SRGAP3: variants seen among roughly 807,000 people sequenced by gnomAD.
The protein encoded by SRGAP3 is SLIT-ROBO Rho GTPase-activating protein 3.
In SRGAP3, 39 loss-of-function variants were observed where a neutral mutation model predicts 121.1. The observed-to-expected ratio is 0.32, with a 90% CI of 0.25 to 0.42. The LOEUF (loss-of-function observed/expected upper bound fraction) is 0.42, where lower values mean the gene tolerates loss of function less well. Ranked by LOEUF, SRGAP3 falls within the 10% of genes least tolerant of loss-of-function variation. The pLI is 1.00. For synonymous variants in SRGAP3, 601 were observed against 570.0 expected, an observed-to-expected ratio of 1.05 and a Z score of -0.77; for missense variants, 1,213 against 1,470.6, an observed-to-expected ratio of 0.82 and a Z score of 2.86.
chr3:9,194,937 G>A (rs529673832), intron 1 of SRGAP3, among the ~76,000 whole-genome samples: 6 of 152,284 alleles, frequency 3.9e-5, no homozygotes, highest in South Asian at 2.1e-4. Flanking sequence ...CACCCCCACC[G>A]TCCCCACACC....
chr3:9,259,124 C>A (rs958363371), intron 3 of SRGAP3, among the ~76,000 whole-genome samples: 8 of 152,190 alleles, frequency 5.3e-5, no homozygotes, highest in African/African-American at 1.9e-4. Context: ...TTCAGATCCT[C>A]CCCGGGTCCT....
At chr3:9,159,518 G>T (rs1457302051) in intron 1 of SRGAP3, among the ~76,000 whole-genome samples, 1 of 152,194 alleles carries the variant, frequency 6.6e-6, no homozygotes, top group Non-Finnish European at 1.5e-5. Flanking sequence ...AGAGATAAGG[G>T]CAACAAAGAC....
Position 8,985,093 on chromosome 3 carries a change from AATAT to A in SRGAP3, c.*422_*425del, listed in dbSNP as rs139699619. ...TCTAGTATATGTATATAGATGCATA[AATAT>A]ATATATATATACACACACCTACAGA... On this transcript the variant is annotated 3_prime_UTR_variant, in exon 22 of 22. Transcript: ENST00000383836. The surrounding 1 kb of genome is among the most constrained non-coding windows in gnomAD (Gnocchi z 5.1). 3.4e-5 allele frequency: 8 copies of A among 236,316 alleles called. No homozygotes were observed. The highest frequency in any genetic ancestry group is 1.9e-4 in the East Asian group (3 of 16,006). The allele number at this position is 236,316 out of a possible 1,614,324, so 14.6% of individuals were successfully genotyped here.
rs575970813 is a variant in SRGAP3 at position 9,312,311 on chromosome 3, C to G, written n.442+13699G>C. Among the ~76,000 whole-genome samples the G allele has an allele frequency of 1.5e-3, 224 of 152,242 alleles. 1 individual carries two copies. Among genetic ancestry groups the G allele is most frequent in the Non-Finnish European group, 2.1e-3 (140 of 68,004 alleles). ...CTGGGACTACAGGCACCCACCACCA[C>G]GCCCGGCTAATTTTTTTGTATTTTT... is the stretch of plus-strand genomic sequence containing the variant. On this transcript the variant is annotated intron_variant and non_coding_transcript_variant, in intron 3 of 3. Coordinates refer to the SRGAP3 transcript ENST00000490889.
chr3:9,309,438 T>C (rs1056944836), intron 3 of SRGAP3, among the ~76,000 whole-genome samples: 1 of 152,210 alleles, frequency 6.6e-6, no homozygotes, highest in Non-Finnish European at 1.5e-5. Context: ...CTCGGTTTGA[T>C]TGCCATACCC....
At chr3:9,112,471 C>T (rs11915262) in intron 2 of SRGAP3, among the ~76,000 whole-genome samples, 10,352 of 152,304 alleles carry the variant, frequency 0.068, 406 homozygotes, top group African/African-American at 0.083. Context: ...AAATGAGCCA[C>T]ACTTCCCACT....
intron 1 of SRGAP3, among the ~76,000 whole-genome samples, chr3:9,211,834 C>T (rs1219419320): frequency 6.8e-6 from 1 of 146,394 alleles, no homozygotes; most frequent in Non-Finnish European, 1.5e-5. Flanking sequence ...CATCAACATG[C>T]CCAGCTAATT....
intron 3 of SRGAP3, among the ~76,000 whole-genome samples, chr3:9,086,235 T>C (rs1481549508): frequency 6.6e-6 from 1 of 152,226 alleles, no homozygotes; most frequent in Non-Finnish European, 1.5e-5. Flanking sequence ...TCATTAAATA[T>C]GTTTGCTTGG....
In SRGAP3 at chr3:9,057,785, A is replaced by T. The variant is rs181515964; in HGVS notation, c.1023+466T>A. ...TTTGTTTTTCGTTTGTTTTATTCAG[A>T]ATATAACAAGGATCTGAGCAGCACA... On this transcript the variant is annotated intron_variant, in intron 7 of 21. Transcript: ENST00000383836. Among the ~76,000 whole-genome samples, 570 of 152,316 alleles carry T rather than the reference A, an allele frequency of 3.7e-3. 1 individual carries two copies. Among genetic ancestry groups the T allele is most frequent in the African/African-American group, 0.013 (545 of 41,548 alleles).
chr3:9,119,851 G>A (rs1186403376), intron 2 of SRGAP3, among the ~76,000 whole-genome samples: 2 of 152,236 alleles, frequency 1.3e-5, no homozygotes, highest in Admixed American at 6.5e-5. Flanking sequence ...AACCAGGCAT[G>A]CGAGTAAAGC....
Position 9,142,829 on chromosome 3 carries a change from C to CTTTTTT in SRGAP3, c.68-17918_68-17913dup, listed in dbSNP as rs397795766. Among the ~76,000 whole-genome samples the CTTTTTT allele has an allele frequency of 6.5e-3, 587 of 90,844 alleles. 61 individuals are homozygous for CTTTTTT. Among genetic ancestry groups the CTTTTTT allele is most frequent in the Middle Eastern group, 0.01 (1 of 98 alleles). The allele number at this position is 90,844 out of a possible 152,430, so 59.6% of individuals were successfully genotyped here. On this transcript the variant is annotated intron_variant, in intron 1 of 21. Transcript: ENST00000383836. ...GTCAACCAAGTTGGTGGGCAATTTCCTTTTTTTTTTTTTTTTTTTTTTTGA... is the reference window on the plus strand; with the variant it reads ...GTCAACCAAGTTGGTGGGCAATTTCCTTTTTTTTTTTTTTTTTTTTTTTTTTTTTGA...
intron 18 of SRGAP3, among the ~76,000 whole-genome samples, chr3:8,998,555 C>CA (rs71049761): frequency 0.19 from 28,020 of 151,392 alleles, 3,078 homozygotes; most frequent in Non-Finnish European, 0.25. Context: ...TATATATATA[C>CA]TATATATATG....
At chr3:8,999,568 G>A in intron 18 of SRGAP3, among the ~76,000 whole-genome samples, 1 of 152,162 alleles carries the variant, frequency 6.6e-6, no homozygotes, top group East Asian at 1.9e-4. Flanking sequence ...ATCCCCAGAA[G>A]TGAGAACACT....
intron 1 of SRGAP3, chr3:9,337,683 G>C (rs1955715176): frequency 6.6e-6 from 1 of 152,200 alleles, no homozygotes; most frequent in African/African-American, 2.4e-5. Context: ...AAGAACTGTT[G>C]AGTCAAATAA....
At chr3:9,067,539 C>T (rs1016491599) in intron 4 of SRGAP3, among the ~76,000 whole-genome samples, 2 of 151,944 alleles carry the variant, frequency 1.3e-5, no homozygotes, top group African/African-American at 4.8e-5. Context: ...GATGCGTTCT[C>T]GACATCTAGT....
intron 3 of SRGAP3, among the ~76,000 whole-genome samples, chr3:9,271,523 C>G (rs986716705): frequency 6.6e-6 from 1 of 152,170 alleles, no homozygotes; most frequent in African/African-American, 2.4e-5. Context: ...GAAGGACCCT[C>G]CCGGTTTCAG....
chr3:8,986,620 T>A (rs1039290421), intron 21 of SRGAP3, among the ~76,000 whole-genome samples: 75 of 152,328 alleles, frequency 4.9e-4, no homozygotes, highest in African/African-American at 1.6e-3. Context: ...AGTATTTTTT[T>A]AAAAATCCTT....
At position 9,153,960 on chromosome 3, in the gene SRGAP3, C is replaced by T. The variant is rs546187211; in HGVS notation, c.68-29043G>A. On this transcript the variant is annotated intron_variant, in intron 1 of 21. Transcript: ENST00000383836. The stretch of plus-strand genomic sequence containing the variant: ...AGTCCGGGGCTCCTGACTCACGATC[C>T]AGCTTCCCCCCACCACTCCCACCCA... Among the ~76,000 whole-genome samples the T allele has an allele frequency of 2.6e-5, 4 of 152,220 alleles. No homozygotes were observed. In the South Asian group the frequency reaches 8.3e-4, roughly 32 times the overall value.
At chr3:9,174,374 A>G (rs1951098140) in intron 1 of SRGAP3, among the ~76,000 whole-genome samples, 1 of 152,210 alleles carries the variant, frequency 6.6e-6, no homozygotes, top group South Asian at 2.1e-4. Context: ...AATTAAAATA[A>G]TTTTTAAAGG....
Sources: gnomAD v4.1 joint callset for allele counts (sites outside exome capture counted in the v4.1 genomes callset) on GRCh38, gnomAD v4.1.1 for gene constraint, Gnocchi (gnomAD v3.1) non-coding constraint, MANE v1.5 for transcripts, NCBI Gene and HGNC (gene_info 2026-07-23, HGNC 2026-07-21) for gene names.